The following ADAMTS17 variants were observed in gnomAD, a reference collection of about 807,000 sequenced individuals.
ADAMTS17 encodes A disintegrin and metalloproteinase with thrombospondin motifs 17.
ADAMTS17 carries 113 observed loss-of-function variants against 141.5 expected under a neutral mutation model. The ratio of observed to expected loss-of-function variants is 0.80; its 90% CI spans 0.69 to 0.93. The LOEUF is 0.93. Ranked by LOEUF, ADAMTS17 falls within the 40% of genes least tolerant of loss-of-function variation. The pLI, the probability that ADAMTS17 is intolerant of heterozygous loss-of-function variation, is 0.00. For missense variants in ADAMTS17, 1,659 were observed against 1,517.9 expected, an observed-to-expected ratio of 1.09 and a Z score of -1.54; for synonymous variants, 768 against 630.6, an observed-to-expected ratio of 1.22 and a Z score of -3.27.
At chr15:99,978,888 A>G (rs971720948) in intron 20 of ADAMTS17, 1 of 152,230 alleles carries the variant, frequency 6.6e-6, no homozygotes, top group African/African-American at 2.4e-5. Flanking sequence ...TTCAGAACCG[A>G]GGGCCTCCGA....
chr15:100,332,921 C>T (rs1006435833), intron 2 of ADAMTS17, among the ~76,000 whole-genome samples: 1 of 152,164 alleles, frequency 6.6e-6, no homozygotes, highest in East Asian at 1.9e-4. Context: ...TTGTACAGGG[C>T]CCTCACCCTG....
intron 8 of ADAMTS17, among the ~76,000 whole-genome samples, chr15:100,179,086 C>T (rs1405261649): frequency 6.6e-6 from 1 of 152,102 alleles, no homozygotes; most frequent in African/African-American, 2.4e-5. Flanking sequence ...TCCAACAATC[C>T]AAGTATACTT....
At chr15:100,271,425 T>C (rs896891874) in intron 4 of ADAMTS17, among the ~76,000 whole-genome samples, 2 of 152,218 alleles carry the variant, frequency 1.3e-5, no homozygotes, top group African/African-American at 4.8e-5. Flanking sequence ...TGTTTTATAA[T>C]AGCCATGGGA....
At chr15:100,090,502 TCTTAAG>T (rs1377505151) in intron 15 of ADAMTS17, among the ~76,000 whole-genome samples, 1 of 152,152 alleles carries the variant, frequency 6.6e-6, no homozygotes, top group African/African-American at 2.4e-5. Context: ...CCACATCTAT[TCTTAAG>T]CTTAACTTTG....
chr15:100,204,174 G>C (rs566838500), intron 7 of ADAMTS17, among the ~76,000 whole-genome samples: 3 of 152,150 alleles, frequency 2.0e-5, no homozygotes, highest in Non-Finnish European at 4.4e-5. Context: ...CTGACCACTC[G>C]ACTCTCTCTA....
intron 18 of ADAMTS17, among the ~76,000 whole-genome samples, chr15:100,029,165 G>T (rs966792425): frequency 2.0e-5 from 3 of 152,180 alleles, no homozygotes; most frequent in Non-Finnish European, 2.9e-5. Flanking sequence ...TGTTGGGTCA[G>T]TTGTGATTAT....
intron 7 of ADAMTS17, among the ~76,000 whole-genome samples, chr15:100,199,654 T>C (rs868459892): frequency 3.3e-5 from 5 of 152,136 alleles, no homozygotes; most frequent in African/African-American, 1.2e-4. Flanking sequence ...GTCGGGGGTG[T>C]GCTGAGTAGA....
chr15:100,152,532 T>TC, intron 10 of ADAMTS17, 80 bp downstream of exon 10: 1 of 1,589,424 alleles, frequency 6.3e-7, no homozygotes, highest in Non-Finnish European at 8.6e-7. Context: ...AATGCCCATG[T>TC]CCTCCAGCAG....
In ADAMTS17 at chr15:100,130,326, C is replaced by T. The variant is rs182652397; in HGVS notation, c.1721+1681G>A. On this transcript the variant is annotated intron_variant, in intron 12 of 21. Coordinates refer to ENST00000268070, the MANE Select transcript of ADAMTS17 (RefSeq NM_139057.4). ...TTGCAGTGAGCCGAGACTGGGCCAC[C>T]GCACTCCAGCCTGGGGGACAGAGTG... Among the ~76,000 whole-genome samples the T allele has an allele frequency of 5.3e-5, 8 of 150,788 alleles. No individual in the cohort carries two copies. The East Asian group carries it at 7.8e-4, about 15-fold the overall frequency.
intron 17 of ADAMTS17, among the ~76,000 whole-genome samples, chr15:100,050,161 C>A (rs1596302646): frequency 6.6e-6 from 1 of 152,146 alleles, no homozygotes; most frequent in Admixed American, 6.5e-5. Context: ...CACGGAACTG[C>A]TTTCAGCTTT....
At chr15:100,260,584 T>G (rs1007090708) in intron 6 of ADAMTS17, among the ~76,000 whole-genome samples, 4 of 150,678 alleles carry the variant, frequency 2.7e-5, no homozygotes, top group African/African-American at 9.8e-5. Context: ...ATACTGCACT[T>G]GAGCCTGGGC....
At chr15:100,106,934 C>T (rs1170361937) in intron 14 of ADAMTS17, among the ~76,000 whole-genome samples, 2 of 152,240 alleles carry the variant, frequency 1.3e-5, no homozygotes, top group African/African-American at 4.8e-5. Context: ...CCAGCTCAAC[C>T]ACTCATCACT....
intron 6 of ADAMTS17, chr15:100,256,285 A>C (rs1444129236): frequency 6.6e-6 from 1 of 152,238 alleles, no homozygotes; most frequent in Admixed American, 6.5e-5. Flanking sequence ...TCTGCATGAC[A>C]GGGCTGGCTT....
intron 4 of ADAMTS17, among the ~76,000 whole-genome samples, chr15:100,266,532 C>G (rs1325059222): frequency 1.3e-5 from 2 of 152,214 alleles, no homozygotes; most frequent in Non-Finnish European, 2.9e-5. Flanking sequence ...CGTGCAGCAG[C>G]TTCCCACTGC....
intron 14 of ADAMTS17, among the ~76,000 whole-genome samples, chr15:100,105,358 T>C (rs1047719007): frequency 2.0e-5 from 3 of 152,190 alleles, no homozygotes; most frequent in Non-Finnish European, 4.4e-5. Flanking sequence ...TTGGTTAATG[T>C]GAGGTGCAGT....
intron 3 of ADAMTS17, among the ~76,000 whole-genome samples, chr15:100,322,817 G>A (rs890467502): frequency 1.1e-4 from 16 of 152,168 alleles, no homozygotes; most frequent in Admixed American, 3.3e-4. Context: ...GCCAGGCGTG[G>A]TGGCTCACAC....
At chr15:100,158,577 G>A (rs755504716) in intron 8 of ADAMTS17, among the ~76,000 whole-genome samples, 9 of 151,486 alleles carry the variant, frequency 5.9e-5, no homozygotes, top group Non-Finnish European at 1.2e-4. Flanking sequence ...GCTTACTGAC[G>A]AGCAGCTCCC....
chr15:100,183,282 T>G (rs2040589029), intron 8 of ADAMTS17, among the ~76,000 whole-genome samples: 1 of 152,228 alleles, frequency 6.6e-6, no homozygotes, highest in Non-Finnish European at 1.5e-5. Flanking sequence ...TGAACCACCA[T>G]GCTTCTGGGA....
At chr15:100,327,201 G>C (rs1191809160) in intron 3 of ADAMTS17, among the ~76,000 whole-genome samples, 3 of 152,162 alleles carry the variant, frequency 2.0e-5, no homozygotes, top group Non-Finnish European at 4.4e-5. Flanking sequence ...CACTACAGAG[G>C]ATATACACGT....
Sources: gnomAD v4.1 joint callset for allele counts (sites outside exome capture counted in the v4.1 genomes callset) on GRCh38, gnomAD v4.1.1 for gene constraint, MANE v1.5 for transcripts, NCBI Gene and HGNC (gene_info 2026-07-23, HGNC 2026-07-21) for gene names.